Variants in DIDO1 observed in about 807,000 individuals in gnomAD.
DIDO1 encodes death-inducer obliterator 1.
Under a neutral mutation model 99.4 loss-of-function variants are expected in DIDO1, and 16 were observed. The ratio of observed to expected loss-of-function variants is 0.16; its 90% CI spans 0.11 to 0.24. The LOEUF is 0.24. Among genes scored for constraint, DIDO1 ranks in the 10% least tolerant of loss-of-function variants. DIDO1 has a pLI of 1.00. For synonymous variants in DIDO1, 1,366 were observed against 1,239.1 expected (o/e 1.10, Z -2.15); for missense variants, 2,996 against 3,014.0 (o/e 0.99, Z 0.14).
At chr20:62,906,235 G>T in intron 5 of DIDO1, 135 bp from the exon 6 acceptor site, 1 of 1,188,746 alleles carries the variant, frequency 8.4e-7, no homozygotes, top group Non-Finnish European at 1.2e-6. Context: ...TCCTGCGCCT[G>T]CTTGGCAGCA....
chr20:62,885,555 G>A lies in DIDO1; in HGVS notation c.3542-3141C>T, dbSNP rs537997478. On this transcript the variant is annotated intron_variant, in intron 15 of 15. Coordinates refer to ENST00000395343, the MANE Select transcript of DIDO1 (RefSeq NM_001193369.2). ...CCGTCTGGAGATTGGCATCAAACAC[G>A]CAGCTGGCACGTGTAAATGCTCCCA... 9.2e-5 allele frequency among the ~76,000 whole-genome samples: 14 copies of A among 152,296 alleles called. No individual in the cohort carries two copies. In the East Asian group the frequency reaches 2.3e-3, roughly 25 times the overall value.
At chr20:62,901,441 C>T (rs2064678461) in intron 6 of DIDO1, among the ~76,000 whole-genome samples, 1 of 152,200 alleles carries the variant, frequency 6.6e-6, no homozygotes, top group African/African-American at 2.4e-5. Flanking sequence ...GCTGCCAAGC[C>T]CATTTGGGAG....
At position 62,896,673 on chromosome 20, in the gene DIDO1, C is replaced by T. The variant is rs374212383; in HGVS notation, c.1912G>A (p.Val638Ile). The T allele has an allele frequency of 6.1e-5, 98 of 1,613,922 alleles. No homozygotes were observed. In the East Asian group the frequency reaches 1.5e-3, roughly 25 times the overall value. The change falls in exon 7 of 16, where the codon GTA becomes ATA. Residue 638 changes from valine (V) to isoleucine (I), a missense_variant. This residue lies in a region of DIDO1 where 898 missense variants were observed against 972.7 expected (regional missense o/e 0.92). Coordinates refer to ENST00000395343, the MANE Select transcript of DIDO1 (RefSeq NM_001193369.2). The surrounding 1 kb of genome is among the most constrained non-coding windows in gnomAD (Gnocchi z 4.4). ...ACAGAAGGTACCACTGGCTTCCTTA[C>T]GGCTCCCACCAAAGCAGCGGAGCCA... ...FPGSAALVGA[V>I]RKPVVPSVPM... is the part of the protein sequence containing the mutation.
chr20:62,889,031 G>C, intron 15 of DIDO1: 45 of 985,492 alleles, frequency 4.6e-5, no homozygotes, highest in Non-Finnish European at 5.3e-5. Context: ...GCTTTTGTGT[G>C]TCCCCGTCAG....
chr20:62,910,755 G>A lies in DIDO1; in HGVS notation c.839+19C>T, dbSNP rs1350903873. 1.3e-6 allele frequency: 2 copies of A among 1,595,738 alleles called. No individual in the cohort carries two copies. Among genetic ancestry groups the A allele is most frequent in the Non-Finnish European group, 1.7e-6 (2 of 1,166,552 alleles). Reference sequence around the variant, plus strand: ...GTTTGCAACCCTGGGATTTCTGTGGGTGCCCACACATGACCCACCTGTTGT... The same window carrying A: ...GTTTGCAACCCTGGGATTTCTGTGGATGCCCACACATGACCCACCTGTTGT... On this transcript the variant is annotated intron_variant, in intron 3 of 15. Coordinates refer to ENST00000395343, the MANE Select transcript of DIDO1 (RefSeq NM_001193369.2).
At chr20:62,910,422 C>T (rs1469010249) in intron 3 of DIDO1, among the ~76,000 whole-genome samples, 1 of 152,216 alleles carries the variant, frequency 6.6e-6, no homozygotes, top group African/African-American at 2.4e-5. Context: ...CTATGTCTCC[C>T]AAGGGGCAGT....
chr20:62,896,216 C>T lies in DIDO1; in HGVS notation c.2214+17G>A, dbSNP rs755900647. 48 of 1,609,368 alleles carry T rather than the reference C, an allele frequency of 3.0e-5. No individual in the cohort carries two copies. The highest frequency in any genetic ancestry group is 4.0e-5 in the African/African-American group (3 of 74,432). ...ACAGAACAGGAATACTCCAATGCAC[C>T]GACACCAGGCACACACCTGATTTTT... On this transcript the variant is annotated intron_variant, in intron 8 of 15. Coordinates refer to ENST00000395343, the MANE Select transcript of DIDO1 (RefSeq NM_001193369.2). The surrounding 1 kb of genome is among the most constrained non-coding windows in gnomAD (Gnocchi z 4.4).
chr20:62,932,798 T>C (rs925122651), intron 1 of DIDO1, among the ~76,000 whole-genome samples: 4 of 152,222 alleles, frequency 2.6e-5, no homozygotes, highest in African/African-American at 9.7e-5. Flanking sequence ...GATTTAGTGG[T>C]ATAATCTAGA....
chr20:62,933,959 C>T (rs1384812185), intron 1 of DIDO1, among the ~76,000 whole-genome samples: 1 of 152,214 alleles, frequency 6.6e-6, no homozygotes, highest in Non-Finnish European at 1.5e-5. Context: ...TCAAAGCCAC[C>T]ACCTCAGCTT....
At chr20:62,895,315 C>A in intron 8 of DIDO1, 150 bp from the exon 9 acceptor site, 1 of 692,886 alleles carries the variant, frequency 1.4e-6, no homozygotes, top group African/African-American at 1.8e-5. Flanking sequence ...GCAGAGCCCT[C>A]CCTGCAGGGT....
chr20:62,893,497 C>T (rs1244029833), intron 12 of DIDO1, among the ~76,000 whole-genome samples, 169 bp downstream of exon 12: 1 of 152,124 alleles, frequency 6.6e-6, no homozygotes, highest in Non-Finnish European at 1.5e-5. Flanking sequence ...ATCTCTACTT[C>T]CAAAAGGACA....
chr20:62,887,422 A>G (rs1235911546), intron 15 of DIDO1: 6 of 985,344 alleles, frequency 6.1e-6, no homozygotes, highest in African/African-American at 1.7e-5. Context: ...GACACTATGG[A>G]TTCAAACATT....
chr20:62,899,697 C>T (rs568138430), intron 6 of DIDO1, among the ~76,000 whole-genome samples: 6 of 152,222 alleles, frequency 3.9e-5, no homozygotes, highest in Admixed American at 3.3e-4. Context: ...CCTTTGTCAT[C>T]CCTCATCTGT....
In DIDO1 at chr20:62,890,085, C is replaced by T. The variant is rs1023800768; in HGVS notation, c.3541+875G>A. On this transcript the variant is annotated intron_variant, in intron 15 of 15. Coordinates refer to ENST00000395343, the MANE Select transcript of DIDO1 (RefSeq NM_001193369.2). ...CCTGCACAGCTATGGCAGGAACACC[C>T]GCCGAGGCCTGGTGACAGGGACAGA... is the stretch of plus-strand genomic sequence containing the variant. 15 of 985,758 alleles carry T rather than the reference C, an allele frequency of 1.5e-5. No homozygotes were observed. The highest frequency in any genetic ancestry group is 1.2e-4 in the Admixed American group (2 of 16,252). The allele number at this position is 985,758 out of a possible 1,614,324, so 61.1% of individuals were successfully genotyped here.
chr20:62,910,203 T>C (rs528458457), intron 3 of DIDO1, among the ~76,000 whole-genome samples, 183 bp from the exon 4 acceptor site: 1 of 152,342 alleles, frequency 6.6e-6, no homozygotes, highest in South Asian at 2.1e-4. Flanking sequence ...TTCACCGTTT[T>C]TTAAGAGTAG....
At chr20:62,932,055 C>T (rs974258213) in intron 1 of DIDO1, among the ~76,000 whole-genome samples, 1 of 152,174 alleles carries the variant, frequency 6.6e-6, no homozygotes, top group Non-Finnish European at 1.5e-5. Context: ...AGGTTTTTTC[C>T]CTTCAGGGAG....
chr20:62,936,389 C>G (rs1315508020), intron 1 of DIDO1, among the ~76,000 whole-genome samples: 4 of 151,950 alleles, frequency 2.6e-5, no homozygotes, highest in Non-Finnish European at 5.9e-5. Flanking sequence ...CCCACCCGTA[C>G]TAAAAATACA....
At position 62,891,020 on chromosome 20, in the gene DIDO1, G is replaced by A. The variant is rs759569608; in HGVS notation, c.3481C>T (p.Leu1161=). ...GGGTCCTGGGCGCTCAGCGGGATCAGGTAGAGGTCCTTGACGTGCCTGTTG... is the reference window on the plus strand; with the variant it reads ...GGGTCCTGGGCGCTCAGCGGGATCAAGTAGAGGTCCTTGACGTGCCTGTTG... ...NNNRHVKDLY[L]IPLSAQDPVP... Residue 1161 remains leucine, a synonymous_variant, in exon 15 of 16, where the codon CTG becomes TTG. Transcript: ENST00000395343. 1 of 1,614,208 alleles carries A rather than the reference G, an allele frequency of 6.2e-7. No homozygotes were observed. The highest frequency in any genetic ancestry group is 1.7e-5 in the Admixed American group (1 of 60,032).
intron 1 of DIDO1, among the ~76,000 whole-genome samples, chr20:62,933,255 T>C (rs1021174421): frequency 6.6e-6 from 1 of 152,238 alleles, no homozygotes. Context: ...GCAGACTAAA[T>C]AGTAAAATTC....
Sources: allele counts gnomAD v4.1 joint callset (sites outside exome capture counted in the v4.1 genomes callset), GRCh38; gene constraint gnomAD v4.1.1; regional missense constraint gnomAD v4.1.1; non-coding constraint Gnocchi (gnomAD v3.1); transcripts MANE v1.5; gene names NCBI Gene and HGNC (gene_info 2026-07-23, HGNC 2026-07-21).